Variants in SORCS3 observed in about 807,000 individuals in gnomAD.
The protein encoded by SORCS3 is VPS10 domain-containing receptor SorCS3.
In SORCS3, 57 loss-of-function variants were observed where a neutral mutation model predicts 146.3. That is an observed-to-expected ratio of 0.39 (90% CI 0.31 to 0.49). The LOEUF is 0.49. SORCS3 is among the 20% of genes least tolerant of loss of function. The probability of loss-of-function intolerance (pLI) is 0.92; values close to 1 mark genes in which losing one functional copy is unlikely to be tolerated. For missense variants in SORCS3, 1,341 were observed against 1,575.5 expected, an observed-to-expected ratio of 0.85 and a Z score of 2.52; for synonymous variants, 653 against 618.5, an observed-to-expected ratio of 1.06 and a Z score of -0.83.
intron 1 of SORCS3, among the ~76,000 whole-genome samples, chr10:104,724,170 G>C (rs1027215825): frequency 6.0e-4 from 91 of 152,224 alleles, no homozygotes; most frequent in African/African-American, 1.9e-3. Flanking sequence ...GGGCAGTCCT[G>C]GTGGTGACAA....
chr10:104,734,778 C>T (rs2016748885), intron 1 of SORCS3, among the ~76,000 whole-genome samples: 1 of 152,176 alleles, frequency 6.6e-6, no homozygotes, highest in African/African-American at 2.4e-5. Context: ...TTGGGTGGAG[C>T]TAGCCAGACC....
chr10:105,099,259 A>T (rs1298678469), intron 6 of SORCS3, among the ~76,000 whole-genome samples: 1 of 152,154 alleles, frequency 6.6e-6, no homozygotes, highest in Admixed American at 6.5e-5. Context: ...TAAACAGCTC[A>T]CGGGTATTTC....
intron 20 of SORCS3, among the ~76,000 whole-genome samples, chr10:105,225,052 A>G (rs915310558): frequency 2.0e-4 from 30 of 152,098 alleles, no homozygotes; most frequent in African/African-American, 6.5e-4. Flanking sequence ...ACTTCTTGAT[A>G]GTGTCTTTTG....
chr10:104,651,250 A>C (rs2015554725), intron 1 of SORCS3, among the ~76,000 whole-genome samples: 1 of 152,160 alleles, frequency 6.6e-6, no homozygotes, highest in Non-Finnish European at 1.5e-5. Context: ...CAAAACTCTA[A>C]AGCGTCTTTT....
chr10:105,078,831 A>G (rs1344812780), intron 5 of SORCS3, among the ~76,000 whole-genome samples: 1 of 152,206 alleles, frequency 6.6e-6, no homozygotes, highest in African/African-American at 2.4e-5. Flanking sequence ...CAAATTGCCT[A>G]GAATCCCCCA....
At chr10:105,250,438 C>G (rs924723467) in intron 22 of SORCS3, among the ~76,000 whole-genome samples, 2 of 152,138 alleles carry the variant, frequency 1.3e-5, no homozygotes, top group African/African-American at 4.8e-5. Context: ...TCAGTTGATT[C>G]TCAGACCTCA....
intron 4 of SORCS3, among the ~76,000 whole-genome samples, chr10:105,005,835 A>T (rs2055091847): frequency 6.6e-6 from 1 of 152,170 alleles, no homozygotes; most frequent in Non-Finnish European, 1.5e-5. Context: ...TAGCTACTTG[A>T]TATCTCAACA....
intron 1 of SORCS3, among the ~76,000 whole-genome samples, chr10:104,778,731 C>G (rs1215248117): frequency 6.6e-6 from 1 of 152,198 alleles, no homozygotes; most frequent in Non-Finnish European, 1.5e-5. Flanking sequence ...CTTAGCTTCA[C>G]AGCAACCTTG....
intron 1 of SORCS3, among the ~76,000 whole-genome samples, chr10:104,769,109 T>G (rs1448385525): frequency 6.6e-6 from 1 of 152,138 alleles, no homozygotes. Context: ...GAAGAGAGGG[T>G]CAAAGAACTG....
At chr10:104,696,502 T>A (rs370232721) in intron 1 of SORCS3, among the ~76,000 whole-genome samples, 9 of 40,250 alleles carry the variant, frequency 2.2e-4, no homozygotes, top group East Asian at 8.0e-4. Flanking sequence ...ATAATATATA[T>A]AATATATAAT....
At chr10:104,899,035 A>G (rs58222625) in intron 2 of SORCS3, among the ~76,000 whole-genome samples, 1,867 of 152,272 alleles carry the variant, frequency 0.012, 44 homozygotes, top group African/African-American at 0.042. Flanking sequence ...ACTATTCTCA[A>G]GATATGCTGT....
intron 23 of SORCS3, 73 bp downstream of exon 23, chr10:105,252,979 G>A (rs1034091223): frequency 3.2e-6 from 5 of 1,540,192 alleles, no homozygotes; most frequent in Non-Finnish European, 4.4e-6. Flanking sequence ...GCTGTTTTCA[G>A]CCAGAAAGGG....
chr10:104,883,309 T>C (rs1388999066), intron 2 of SORCS3, among the ~76,000 whole-genome samples: 1 of 152,160 alleles, frequency 6.6e-6, no homozygotes, highest in Non-Finnish European at 1.5e-5. Flanking sequence ...TTAAAAACCA[T>C]CTTGGTATGA....
chr10:104,931,420 C>T (rs540016132), intron 3 of SORCS3, among the ~76,000 whole-genome samples: 2 of 152,268 alleles, frequency 1.3e-5, no homozygotes, highest in African/African-American at 4.8e-5. Flanking sequence ...ACGGCCAGGT[C>T]AGGCTTTCAA....
intron 2 of SORCS3, among the ~76,000 whole-genome samples, chr10:104,857,061 G>C (rs552517208): frequency 6.7e-6 from 1 of 149,556 alleles, no homozygotes; most frequent in Admixed American, 6.9e-5. Context: ...GCTAGGCTTT[G>C]GAGGGAGAGA....
intron 1 of SORCS3, among the ~76,000 whole-genome samples, chr10:104,719,687 A>G (rs944433888): frequency 6.6e-6 from 1 of 152,198 alleles, no homozygotes; most frequent in Non-Finnish European, 1.5e-5. Context: ...TTGGAAAAAC[A>G]CCATGCATGT....
chr10:104,722,479 G>T (rs2016561876), intron 1 of SORCS3, among the ~76,000 whole-genome samples: 1 of 152,188 alleles, frequency 6.6e-6, no homozygotes, highest in Non-Finnish European at 1.5e-5. Context: ...GTATCGGGAT[G>T]ATGCTGGCCT....
intron 1 of SORCS3, among the ~76,000 whole-genome samples, chr10:104,723,004 T>C (rs946044057): frequency 1.4e-4 from 21 of 152,204 alleles, no homozygotes; most frequent in African/African-American, 4.6e-4. Context: ...TCTTAGTTAT[T>C]TCTTGCCTTC....
chr10:104,910,590 A>G (rs554050462), intron 2 of SORCS3, among the ~76,000 whole-genome samples: 1 of 152,232 alleles, frequency 6.6e-6, no homozygotes, highest in African/African-American at 2.4e-5. Context: ...CATATATCCT[A>G]TGTGAGAACA....
Sources: allele counts gnomAD v4.1 joint callset (sites outside exome capture counted in the v4.1 genomes callset), GRCh38; gene constraint gnomAD v4.1.1; transcripts MANE v1.5; gene names NCBI Gene and HGNC (gene_info 2026-07-23, HGNC 2026-07-21).